The following CNTN5 variants were observed in gnomAD, a reference collection of about 807,000 sequenced individuals.
CNTN5 encodes contactin-5.
Under a neutral mutation model 129.1 loss-of-function variants are expected in CNTN5, and 77 were observed. The ratio of observed to expected loss-of-function variants is 0.60; its 90% CI spans 0.50 to 0.72. CNTN5 has a LOEUF of 0.72. Among genes scored for constraint, CNTN5 ranks in the 30% least tolerant of loss-of-function variants. The probability of loss-of-function intolerance (pLI) is 0.00; values close to 1 mark genes in which losing one functional copy is unlikely to be tolerated. For missense variants in CNTN5, 1,478 were observed against 1,328.8 expected, an observed-to-expected ratio of 1.11 and a Z score of -1.75; for synonymous variants, 509 against 465.6, an observed-to-expected ratio of 1.09 and a Z score of -1.20.
intron 11 of CNTN5, among the ~76,000 whole-genome samples, chr11:100,071,118 T>C (rs1435721372): frequency 1.3e-5 from 2 of 152,144 alleles, no homozygotes; most frequent in African/African-American, 4.8e-5. Flanking sequence ...ACATGCTCAA[T>C]TTTTTGTTTT....
intron 1 of CNTN5, among the ~76,000 whole-genome samples, chr11:99,090,797 C>T (rs1866213081): frequency 6.7e-6 from 1 of 149,204 alleles, no homozygotes; most frequent in Non-Finnish European, 1.5e-5. Context: ...CCGAGGCGGG[C>T]GGATCACGAG....
chr11:100,161,830 TACACACACACACACACACACACACAC>T (rs71050053), intron 13 of CNTN5, among the ~76,000 whole-genome samples: 3 of 125,890 alleles, frequency 2.4e-5, no homozygotes, highest in East Asian at 2.2e-4. Flanking sequence ...TGGAGCTTCC[TACACACACACACACACACACACACAC>T]ACACACACAC....
intron 2 of CNTN5, among the ~76,000 whole-genome samples, chr11:99,426,694 C>G (rs1053308557): frequency 6.6e-6 from 1 of 152,264 alleles, no homozygotes; most frequent in African/African-American, 2.4e-5. Flanking sequence ...CTTACAGTCT[C>G]CTGCGTCCAC....
chr11:100,308,426 G>C lies in CNTN5; in HGVS notation c.2688G>C (p.Trp896Cys). 1 of 1,610,912 alleles carries C rather than the reference G, an allele frequency of 6.2e-7. No individual in the cohort carries two copies. Among genetic ancestry groups the C allele is most frequent in the East Asian group, 2.2e-5 (1 of 44,788 alleles). The part of the protein sequence containing the change: ...SVSVSEILVA[W>C]KHIKESLGRP... Reference sequence around the variant, plus strand: ...CTGTGTCAGAGATTCTTGTTGCATGGAAACACATTAAAGAGAGTCTAGGAA... The same window carrying C: ...CTGTGTCAGAGATTCTTGTTGCATGCAAACACATTAAAGAGAGTCTAGGAA... Residue 896 changes from tryptophan (W) to cysteine (C), a missense_variant, in exon 21 of 25, where the codon TGG becomes TGC. Trp to Cys is a radical substitution (Grantham distance 215). Transcript: ENST00000524871.
At chr11:99,924,082 A>G (rs1016229765) in intron 7 of CNTN5, among the ~76,000 whole-genome samples, 9 of 152,130 alleles carry the variant, frequency 5.9e-5, no homozygotes, top group Non-Finnish European at 1.0e-4. Context: ...GAGCCGCCAC[A>G]CCCGGCATCT....
chr11:100,193,553 A>C lies in CNTN5; in HGVS notation c.1774A>C (p.Asn592His), dbSNP rs760215892. The change falls in exon 15 of 25, where the codon AAT becomes CAT. Residue 592 changes from asparagine (N) to histidine (H), a missense_variant. Transcript: ENST00000524871. ...ELTVGESIVL[N>H]CKAIHDASLD... ...GACAGTGGGAGAAAGCATTGTCCTTAATTGCAAAGCAATTCACGATGCTAG... is the reference window on the plus strand; with the variant it reads ...GACAGTGGGAGAAAGCATTGTCCTTCATTGCAAAGCAATTCACGATGCTAG... 6.2e-7 allele frequency: 1 copy of C among 1,611,256 alleles called. No homozygotes were observed. Among genetic ancestry groups the C allele is most frequent in the Non-Finnish European group, 8.5e-7 (1 of 1,178,210 alleles).
chr11:99,826,475 T>C (rs1374019501), intron 4 of CNTN5, among the ~76,000 whole-genome samples: 4 of 152,276 alleles, frequency 2.6e-5, no homozygotes, highest in Middle Eastern at 6.8e-3. Context: ...CCTGTTGTTA[T>C]AGGTATCATG....
chr11:99,251,093 C>T (rs1478185451), intron 1 of CNTN5, among the ~76,000 whole-genome samples: 1 of 151,894 alleles, frequency 6.6e-6, no homozygotes, highest in East Asian at 1.9e-4. Flanking sequence ...ATACATCTCT[C>T]TAGGGACAGA....
intron 3 of CNTN5, among the ~76,000 whole-genome samples, chr11:99,686,006 T>A (rs1953775502): frequency 6.6e-6 from 1 of 152,082 alleles, no homozygotes; most frequent in Non-Finnish European, 1.5e-5. Flanking sequence ...AAAATATACA[T>A]CCTTGACTCT....
At chr11:99,733,900 G>C (rs1417038643) in intron 3 of CNTN5, among the ~76,000 whole-genome samples, 1 of 152,178 alleles carries the variant, frequency 6.6e-6, no homozygotes, top group Non-Finnish European at 1.5e-5. Context: ...TTTCCTAAGA[G>C]AGCCAGTTCA....
intron 2 of CNTN5, among the ~76,000 whole-genome samples, chr11:99,452,625 G>T (rs998655603): frequency 6.6e-6 from 1 of 151,882 alleles, no homozygotes; most frequent in African/African-American, 2.4e-5. Context: ...GCCCGCCCTT[G>T]GCCTCCCAAA....
At chr11:99,887,511 T>C (rs1948931063) in intron 6 of CNTN5, among the ~76,000 whole-genome samples, 1 of 152,170 alleles carries the variant, frequency 6.6e-6, no homozygotes, top group African/African-American at 2.4e-5. Context: ...GATGTATATA[T>C]GAAGGGGAGT....
chr11:99,807,277 G>T (rs149153229), intron 3 of CNTN5, among the ~76,000 whole-genome samples: 28 of 152,066 alleles, frequency 1.8e-4, no homozygotes, highest in African/African-American at 6.5e-4. Context: ...CTAGAAAACA[G>T]TTTTAGCAGT....
At chr11:99,366,974 G>T (rs1385131917) in intron 2 of CNTN5, among the ~76,000 whole-genome samples, 1 of 152,126 alleles carries the variant, frequency 6.6e-6, no homozygotes, top group Non-Finnish European at 1.5e-5. Context: ...AGGGCTCATC[G>T]TAAGCTGGGG....
intron 2 of CNTN5, among the ~76,000 whole-genome samples, chr11:99,342,743 A>G (rs1390382069): frequency 3.3e-5 from 5 of 151,924 alleles, no homozygotes; most frequent in Non-Finnish European, 5.9e-5. Context: ...AAAAGAAAGA[A>G]AGAAAGAAAG....
chr11:100,304,850 T>C (rs2065346621), intron 20 of CNTN5, among the ~76,000 whole-genome samples: 1 of 146,988 alleles, frequency 6.8e-6, no homozygotes. Flanking sequence ...AGTAGTAATA[T>C]GGTTGTTGGG....
At chr11:99,503,765 A>T (rs559941770) in intron 2 of CNTN5, among the ~76,000 whole-genome samples, 7 of 150,014 alleles carry the variant, frequency 4.7e-5, no homozygotes, top group South Asian at 2.1e-4. Context: ...ATATAATGGA[A>T]TTTTTTTTGT....
intron 9 of CNTN5, among the ~76,000 whole-genome samples, chr11:100,028,090 A>G (rs1941517433): frequency 6.6e-6 from 1 of 152,168 alleles, no homozygotes; most frequent in South Asian, 2.1e-4. Flanking sequence ...AAAAACAGCA[A>G]CTGAAAGGTA....
intron 20 of CNTN5, among the ~76,000 whole-genome samples, chr11:100,306,971 G>GT (rs1476955945): frequency 3.3e-5 from 5 of 151,708 alleles, no homozygotes; most frequent in Non-Finnish European, 5.9e-5. Context: ...TATAGCAAGT[G>GT]TTTTTAACAA....
Sources: allele counts gnomAD v4.1 joint callset (sites outside exome capture counted in the v4.1 genomes callset), GRCh38; gene constraint gnomAD v4.1.1; transcripts MANE v1.5; gene names NCBI Gene and HGNC (gene_info 2026-07-23, HGNC 2026-07-21).